The following PCDH11X variants were observed in gnomAD, a reference collection of about 807,000 sequenced individuals.
PCDH11X encodes the protein protocadherin-11 X-linked.
A neutral mutation model predicts 53.3 loss-of-function variants in PCDH11X; 18 were observed. That is an observed-to-expected ratio of 0.34 (90% CI 0.23 to 0.50). PCDH11X has a LOEUF of 0.50. PCDH11X is among the 20% of genes least tolerant of loss of function. The pLI, the probability that PCDH11X is intolerant of heterozygous loss-of-function variation, is 0.98. For missense variants in PCDH11X, 570 were observed against 1,032.4 expected (o/e 0.55, Z 6.14); for synonymous variants, 279 against 393.3 (o/e 0.71, Z 3.44).
intron 6 of PCDH11X, chrX:92,114,367 T>C: frequency 1.8e-6 from 2 of 1,126,849 alleles, no homozygotes; most frequent in South Asian, 3.6e-5. Flanking sequence ...ATCAAAGCTG[T>C]CAACAATCTC....
At chrX:92,013,576 T>C (rs1326011100) in intron 6 of PCDH11X, among the ~76,000 whole-genome samples, 2 of 111,622 alleles carry the variant, frequency 1.8e-5, no homozygotes, top group Non-Finnish European at 3.8e-5. Context: ...CATTGACAAG[T>C]CAATCCTCAG....
chrX:92,188,831 G>T (rs894216253), intron 6 of PCDH11X, among the ~76,000 whole-genome samples: 2 of 111,655 alleles, frequency 1.8e-5, no homozygotes, highest in African/African-American at 6.5e-5. Flanking sequence ...TTTTATGACA[G>T]TACAAGGGAG....
chrX:92,523,435 T>C (rs2074399105), intron 10 of PCDH11X, among the ~76,000 whole-genome samples: 1 of 112,117 alleles, frequency 8.9e-6, no homozygotes, highest in Admixed American at 9.5e-5. Flanking sequence ...TTTCTTTCTA[T>C]AAAAAGCAAG....
At chrX:92,495,226 C>G (rs1438305372) in intron 10 of PCDH11X, among the ~76,000 whole-genome samples, 1 of 111,116 alleles carries the variant, frequency 9.0e-6, no homozygotes, top group Non-Finnish European at 1.9e-5. Flanking sequence ...CCGTCTCTTT[C>G]CATACTGATT....
chrX:92,128,199 A>T (rs1265676660), intron 6 of PCDH11X, among the ~76,000 whole-genome samples: 1 of 111,153 alleles, frequency 9.0e-6, no homozygotes. Context: ...TGATGGGAGC[A>T]TGCACTAAGT....
At chrX:91,790,209 A>G (rs768354789) in intron 1 of PCDH11X, among the ~76,000 whole-genome samples, 1 of 112,526 alleles carries the variant, frequency 8.9e-6, no homozygotes. Context: ...GTGTGACTAT[A>G]TTGGTTGAAA....
chrX:92,021,390 C>T (rs2062881612), intron 6 of PCDH11X, among the ~76,000 whole-genome samples: 1 of 104,743 alleles, frequency 9.5e-6, no homozygotes, highest in Non-Finnish European at 1.9e-5. Flanking sequence ...GTATTGATAG[C>T]TGAATCAATG....
intron 1 of PCDH11X, among the ~76,000 whole-genome samples, chrX:91,790,166 G>A (rs1935481888): frequency 9.0e-6 from 1 of 110,616 alleles, no homozygotes; most frequent in African/African-American, 3.3e-5. Context: ...ACAATTATTT[G>A]CATTTAGAGG....
At chrX:92,178,045 T>C (rs1332796555) in intron 6 of PCDH11X, among the ~76,000 whole-genome samples, 3 of 111,178 alleles carry the variant, frequency 2.7e-5, no homozygotes, top group African/African-American at 9.8e-5. Context: ...CTTGGATAAA[T>C]GAATTGTGAG....
intron 7 of PCDH11X, among the ~76,000 whole-genome samples, chrX:92,232,396 T>C (rs2067092647): frequency 8.9e-6 from 1 of 111,848 alleles, no homozygotes; most frequent in African/African-American, 3.3e-5. Context: ...ACTCTGCAAC[T>C]TTGTTGATTT....
chrX:92,556,051 G>A (rs1475701815), intron 10 of PCDH11X, among the ~76,000 whole-genome samples: 1 of 110,297 alleles, frequency 9.1e-6, no homozygotes, highest in Non-Finnish European at 1.9e-5. Context: ...CAGATCTTGT[G>A]AGAACTCACT....
intron 9 of PCDH11X, among the ~76,000 whole-genome samples, chrX:92,389,459 C>T (rs1385835205): frequency 9.0e-6 from 1 of 111,093 alleles, no homozygotes; most frequent in Non-Finnish European, 1.9e-5. Flanking sequence ...GGATAAGTAT[C>T]ATTTTTATAA....
intron 9 of PCDH11X, among the ~76,000 whole-genome samples, chrX:92,444,502 T>C (rs1480849319): frequency 9.3e-6 from 1 of 107,445 alleles, no homozygotes; most frequent in Non-Finnish European, 1.9e-5. Flanking sequence ...GACTCTTTTC[T>C]TTTTTTCCTA....
At chrX:92,544,070 ATGTGTGGC>A (rs1381207197) in intron 10 of PCDH11X, among the ~76,000 whole-genome samples, 4 of 108,665 alleles carry the variant, frequency 3.7e-5, no homozygotes, top group Non-Finnish European at 7.6e-5. Context: ...TCGGGGGTTA[ATGTGTGGC>A]AGTTGTCAGA....
intron 6 of PCDH11X, among the ~76,000 whole-genome samples, chrX:92,011,223 T>G (rs1458691999): frequency 8.9e-6 from 1 of 111,915 alleles, no homozygotes; most frequent in Non-Finnish European, 1.9e-5. Flanking sequence ...CAATTTATAT[T>G]TCTTTGGGTA....
intron 6 of PCDH11X, among the ~76,000 whole-genome samples, chrX:92,192,238 C>T (rs1301948728): frequency 8.9e-6 from 1 of 112,475 alleles, no homozygotes; most frequent in Non-Finnish European, 1.9e-5. Flanking sequence ...GTAATAGCCG[C>T]TAACTCTCTG....
intron 10 of PCDH11X, among the ~76,000 whole-genome samples, chrX:92,494,426 A>G (rs1432460063): frequency 9.4e-6 from 1 of 106,759 alleles, no homozygotes; most frequent in African/African-American, 3.4e-5. Context: ...TGTTAGGAGT[A>G]TTAAATATCA....
At chrX:92,021,918 C>T (rs1250601425) in intron 6 of PCDH11X, among the ~76,000 whole-genome samples, 1 of 108,884 alleles carries the variant, frequency 9.2e-6, no homozygotes, top group Non-Finnish European at 1.9e-5. Context: ...TCCAGCCAAA[C>T]TAAGCTTCAT....
At chrX:91,905,558 G>A (rs1392376367) in intron 6 of PCDH11X, among the ~76,000 whole-genome samples, 1 of 110,691 alleles carries the variant, frequency 9.0e-6, no homozygotes, top group Non-Finnish European at 1.9e-5. Context: ...ATTGCTTTTT[G>A]TATAAAAGTA....
Sources: gnomAD v4.1 joint callset for allele counts (sites outside exome capture counted in the v4.1 genomes callset) on GRCh38, gnomAD v4.1.1 for gene constraint, MANE v1.5 for transcripts, NCBI Gene and HGNC (gene_info 2026-07-23, HGNC 2026-07-21) for gene names.